EVI5: variants seen among roughly 807,000 people sequenced by gnomAD.
EVI5 encodes the protein ecotropic viral integration site 5.
A neutral mutation model predicts 112.0 loss-of-function variants in EVI5; 73 were observed. The observed-to-expected ratio is 0.65, with a 90% CI of 0.54 to 0.79. The LOEUF (loss-of-function observed/expected upper bound fraction) is 0.79, where lower values mean the gene tolerates loss of function less well. EVI5 is among the 30% of genes least tolerant of loss of function. The pLI is 0.00. For synonymous variants in EVI5, 305 were observed against 319.9 expected (o/e 0.95, Z 0.50); for missense variants, 900 against 968.8 (o/e 0.93, Z 0.94).
chr1:92,605,244 T>C (rs1650101452), intron 18 of EVI5, 63 bp downstream of exon 18: 1 of 1,080,794 alleles, frequency 9.3e-7, no homozygotes, highest in Admixed American at 1.9e-5. Flanking sequence ...TAAGTTACTG[T>C]TCAGACAAAG....
At chr1:92,660,674 C>A (rs10747449) in intron 13 of EVI5, among the ~76,000 whole-genome samples, 140,042 of 152,028 alleles carry the variant, frequency 0.92, 64,586 homozygotes, top group East Asian at 0.97. Context: ...TTTCAAAAAT[C>A]ATCAAAAAAG....
intron 1 of EVI5, chr1:92,757,088 G>T (rs1264915657): frequency 6.0e-6 from 1 of 165,922 alleles, no homozygotes; most frequent in African/African-American, 2.4e-5. Context: ...CCAGCACCAG[G>T]AAGACTGAAT....
chr1:92,735,943 T>C (rs1475061171), intron 2 of EVI5, among the ~76,000 whole-genome samples: 3 of 149,970 alleles, frequency 2.0e-5, no homozygotes, highest in Non-Finnish European at 4.4e-5. Flanking sequence ...GGAATATGCA[T>C]TCCTAGCAGA....
At chr1:92,733,247 A>C (rs984737994) in intron 2 of EVI5, 1 of 207,084 alleles carries the variant, frequency 4.8e-6, no homozygotes, top group African/African-American at 2.3e-5. Context: ...AAAATGTTGA[A>C]TCTTACTTGG....
intron 18 of EVI5, among the ~76,000 whole-genome samples, chr1:92,569,378 A>G (rs1669965139): frequency 6.6e-6 from 1 of 152,198 alleles, no homozygotes. Flanking sequence ...ATTTACTTTA[A>G]TATTTATTTT....
chr1:92,551,669 T>C (rs1245907275), intron 19 of EVI5, among the ~76,000 whole-genome samples: 1 of 152,198 alleles, frequency 6.6e-6, no homozygotes, highest in African/African-American at 2.4e-5. Context: ...TATTTCATTT[T>C]CTCATGTCTG....
At chr1:92,615,670 C>T (rs564671170) in intron 16 of EVI5, among the ~76,000 whole-genome samples, 6 of 152,194 alleles carry the variant, frequency 3.9e-5, no homozygotes, top group African/African-American at 1.2e-4. Flanking sequence ...ATGAACCCTG[C>T]GCTGCTTGAG....
intron 19 of EVI5, among the ~76,000 whole-genome samples, chr1:92,548,177 G>C (rs1288337759): frequency 1.3e-5 from 2 of 152,206 alleles, no homozygotes; most frequent in Admixed American, 6.5e-5. Flanking sequence ...TCCCTGGGAT[G>C]CAAGACTGGT....
chr1:92,785,306 C>T (rs1385617027), upstream of EVI5, among the ~76,000 whole-genome samples: 1 of 152,224 alleles, frequency 6.6e-6, no homozygotes, highest in African/African-American at 2.4e-5. Context: ...TGCAAGTCGC[C>T]GACTTCCCCG....
rs1001368995 is a variant in EVI5 at position 92,593,976 on chromosome 1, G to A, written c.2070+11331C>T. On this transcript the variant is annotated intron_variant, in intron 18 of 19. Transcript: ENST00000684568. Reference sequence around the variant, plus strand: ...CTTATGGGTAGGAAGAATCAATATCGTGAAAATGGTCATACTGTCCAAGGT... The same window carrying A: ...CTTATGGGTAGGAAGAATCAATATCATGAAAATGGTCATACTGTCCAAGGT... Among the ~76,000 whole-genome samples, 28 of 152,278 alleles carry A rather than the reference G, an allele frequency of 1.8e-4. No homozygotes were observed. The East Asian group carries it at 2.5e-3, about 14-fold the overall frequency.
chr1:92,785,127 G>A (rs1024652626), upstream of EVI5: 4 of 985,098 alleles, frequency 4.1e-6, no homozygotes, highest in Non-Finnish European at 4.8e-6. Flanking sequence ...GGCGCGGGAG[G>A]GCCTTAAAGA....
chr1:92,772,345 C>T (rs899498027), intron 1 of EVI5, among the ~76,000 whole-genome samples: 8 of 151,846 alleles, frequency 5.3e-5, no homozygotes, highest in African/African-American at 1.9e-4. Flanking sequence ...GCCTGTAATC[C>T]CAGCACTTTG....
At chr1:92,595,618 G>C (rs1359396959) in intron 18 of EVI5, among the ~76,000 whole-genome samples, 1 of 152,092 alleles carries the variant, frequency 6.6e-6, no homozygotes, top group African/African-American at 2.4e-5. Context: ...AAGGAGGAGG[G>C]AGAAAAACAT....
intron 1 of EVI5, among the ~76,000 whole-genome samples, chr1:92,751,031 T>C (rs1223810478): frequency 1.3e-5 from 2 of 152,004 alleles, no homozygotes; most frequent in Non-Finnish European, 2.9e-5. Flanking sequence ...GCACCTGTAG[T>C]CCCAGCTACT....
intron 1 of EVI5, among the ~76,000 whole-genome samples, chr1:92,770,289 C>T (rs1015743549): frequency 3.9e-5 from 6 of 152,200 alleles, no homozygotes. Flanking sequence ...ACTCCATCAG[C>T]TGTATAGCAT....
At chr1:92,720,556 C>G (rs931584076) in intron 2 of EVI5, among the ~76,000 whole-genome samples, 1 of 152,104 alleles carries the variant, frequency 6.6e-6, no homozygotes, top group Non-Finnish European at 1.5e-5. Context: ...AATGTTAGAC[C>G]TGAACCATAA....
intron 18 of EVI5, among the ~76,000 whole-genome samples, chr1:92,590,640 G>A (rs1456889653): frequency 1.3e-5 from 2 of 152,202 alleles, no homozygotes; most frequent in Non-Finnish European, 1.5e-5. Flanking sequence ...CGTCTAATTG[G>A]TGTACCTGAA....
rs1670830651 is a variant in EVI5 at position 92,699,606 on chromosome 1, T to C, written c.640-1621A>G. Among the ~76,000 whole-genome samples the C allele has an allele frequency of 2.0e-5, 3 of 152,162 alleles. No individual in the cohort carries two copies. In the South Asian group the frequency reaches 6.2e-4, roughly 31 times the overall value. On this transcript the variant is annotated intron_variant, in intron 5 of 19. Coordinates refer to ENST00000684568, the MANE Select transcript of EVI5 (RefSeq NM_001350197.2). ...TTGTGCGAACATCATAGAGTGCACC[T>C]ACACAAACCTATACCATATAGCTTA...
intron 1 of EVI5, among the ~76,000 whole-genome samples, chr1:92,769,497 G>T (rs1022754933): frequency 1.3e-5 from 2 of 152,020 alleles, no homozygotes; most frequent in Non-Finnish European, 2.9e-5. Context: ...CACCCTACCT[G>T]CCCCAGGCAA....
Sources: gnomAD v4.1 joint callset for allele counts (sites outside exome capture counted in the v4.1 genomes callset) on GRCh38, gnomAD v4.1.1 for gene constraint, MANE v1.5 for transcripts, NCBI Gene and HGNC (gene_info 2026-07-23, HGNC 2026-07-21) for gene names.